The following CAMK4 variants were observed in gnomAD, a reference collection of about 807,000 sequenced individuals.
CAMK4 encodes calcium/calmodulin-dependent protein kinase type IV.
A neutral mutation model predicts 44.9 loss-of-function variants in CAMK4; 22 were observed. The ratio of observed to expected loss-of-function variants is 0.49; its 90% CI spans 0.35 to 0.70. CAMK4 has a LOEUF of 0.70. Ranked by LOEUF, CAMK4 falls within the 30% of genes least tolerant of loss-of-function variation. The pLI, the probability that CAMK4 is intolerant of heterozygous loss-of-function variation, is 0.01. For missense variants in CAMK4, 498 were observed against 586.8 expected, an observed-to-expected ratio of 0.85 and a Z score of 1.56; for synonymous variants, 218 against 215.4, an observed-to-expected ratio of 1.01 and a Z score of -0.11.
rs747839230 is a variant in CAMK4 at position 111,224,439 on chromosome 5, A to AGCGGCG, written c.-27_-22dup. The stretch of plus-strand genomic sequence containing the variant: ...CTGGCGGCCGGCTTCTCGCTCGGGC[A>AGCGGCG]GCGGCGGCGGCGGCGGCGGCGGCTT... On this transcript the variant is annotated 5_prime_UTR_variant, in exon 1 of 11. Coordinates refer to ENST00000282356, the MANE Select transcript of CAMK4 (RefSeq NM_001744.6). This position sits in a 1 kb window ranked among gnomAD's most constrained non-coding sequence, Gnocchi z 5.7. 2,020 of 1,536,258 alleles carry AGCGGCG rather than the reference A, an allele frequency of 1.3e-3. 8 individuals carry two copies. The African/African-American group carries it at 0.015, about 12-fold the overall frequency.
chr5:111,381,627 C>T (rs754153354), intron 4 of CAMK4, among the ~76,000 whole-genome samples: 4 of 152,310 alleles, frequency 2.6e-5, no homozygotes, highest in Non-Finnish European at 4.4e-5. Flanking sequence ...CCTTTGGCAA[C>T]GCCCTCACAG....
intron 5 of CAMK4, among the ~76,000 whole-genome samples, chr5:111,418,003 T>C (rs957749368): frequency 3.3e-5 from 5 of 152,158 alleles, no homozygotes; most frequent in Admixed American, 1.3e-4. Flanking sequence ...TTGGAGGTTT[T>C]TTTTTTAGGA....
intron 1 of CAMK4, among the ~76,000 whole-genome samples, chr5:111,276,220 T>C (rs992400900): frequency 1.3e-5 from 2 of 152,218 alleles, no homozygotes; most frequent in Non-Finnish European, 2.9e-5. Flanking sequence ...TAAGGATTTC[T>C]ACCTATCCTC....
At chr5:111,281,399 GA>G (rs1751012320) in intron 1 of CAMK4, among the ~76,000 whole-genome samples, 1 of 152,150 alleles carries the variant, frequency 6.6e-6, no homozygotes, top group Non-Finnish European at 1.5e-5. Context: ...ATAGTACATG[GA>G]ATAAAATATT....
intron 3 of CAMK4, 87 bp downstream of exon 3, chr5:111,374,999 G>GA (rs1233759134): frequency 1.3e-5 from 10 of 754,862 alleles, no homozygotes; most frequent in Non-Finnish European, 1.9e-5. Flanking sequence ...CTGATAATGA[G>GA]AAGGGATTCT....
chr5:111,473,285 T>A, intron 7 of CAMK4, 26 bp from the exon 8 acceptor site: 1 of 1,486,056 alleles, frequency 6.7e-7, no homozygotes, highest in Non-Finnish European at 9.4e-7. Context: ...AGCTCTAATT[T>A]AACACAATTT....
chr5:111,399,958 C>A (rs922916301), intron 5 of CAMK4, among the ~76,000 whole-genome samples: 1 of 152,136 alleles, frequency 6.6e-6, no homozygotes, highest in African/African-American at 2.4e-5. Context: ...AATTTTCCAC[C>A]TGTTGGAGTT....
At chr5:111,432,535 G>C (rs1753486408) in intron 5 of CAMK4, among the ~76,000 whole-genome samples, 1 of 151,314 alleles carries the variant, frequency 6.6e-6, no homozygotes, top group Non-Finnish European at 1.5e-5. Context: ...TGCTTGAGGG[G>C]ATAGATACCC....
intron 1 of CAMK4, among the ~76,000 whole-genome samples, chr5:111,332,649 T>C (rs940672733): frequency 1.3e-5 from 2 of 151,570 alleles, no homozygotes; most frequent in African/African-American, 4.8e-5. Context: ...CATTTTATTC[T>C]TGATGCTATT....
chr5:111,468,376 TTTTG>T (rs1033914734), intron 7 of CAMK4, among the ~76,000 whole-genome samples: 1 of 152,230 alleles, frequency 6.6e-6, no homozygotes, highest in African/African-American at 2.4e-5. Flanking sequence ...TTTTCTTCTA[TTTTG>T]TTTGTTTTGA....
chr5:111,474,433 A>G (rs118036), intron 8 of CAMK4, among the ~76,000 whole-genome samples: 94,802 of 151,984 alleles, frequency 0.62, 29,799 homozygotes, highest in African/African-American at 0.66. Context: ...GAGAAGGAGA[A>G]AGCAAGCTCT....
chr5:111,260,476 A>G (rs1463195360), intron 1 of CAMK4, among the ~76,000 whole-genome samples: 1 of 152,032 alleles, frequency 6.6e-6, no homozygotes, highest in African/African-American at 2.4e-5. Context: ...GCTTTCTCCA[A>G]GGCTCTCCCC....
rs1748091902 is a variant in CAMK4, at chr5:111,224,712, G to T, written c.161+68G>T. 3 of 1,485,408 alleles carry T rather than the reference G, an allele frequency of 2.0e-6. No individual in the cohort carries two copies. The highest frequency in any genetic ancestry group is 2.9e-5 in the African/African-American group (2 of 70,154). 92.0% of individuals were successfully genotyped at this position (1,485,408 alleles called of 1,614,324 possible). ...GGGGGTTGTCCCTCTCGCAGCGACG[G>T]CTCGGAGGGTGCGGGAGCCTGCCTT... On this transcript the variant is annotated intron_variant, in intron 1 of 10. Coordinates refer to ENST00000282356, the MANE Select transcript of CAMK4 (RefSeq NM_001744.6). This position sits in a 1 kb window ranked among gnomAD's most constrained non-coding sequence, Gnocchi z 5.7.
intron 1 of CAMK4, among the ~76,000 whole-genome samples, chr5:111,318,411 A>G (rs756966680): frequency 6.6e-6 from 1 of 152,200 alleles, no homozygotes; most frequent in African/African-American, 2.4e-5. Flanking sequence ...TTTATAAAGT[A>G]TAAGACTCTC....
At chr5:111,461,675 C>A (rs1754645771) in intron 7 of CAMK4, among the ~76,000 whole-genome samples, 2 of 151,902 alleles carry the variant, frequency 1.3e-5, no homozygotes, top group Admixed American at 1.3e-4. Flanking sequence ...AGATAAATCC[C>A]CTCCACCCTT....
At chr5:111,235,656 A>G (rs556158929) in intron 1 of CAMK4, among the ~76,000 whole-genome samples, 3 of 152,378 alleles carry the variant, frequency 2.0e-5, no homozygotes, top group Admixed American at 6.5e-5. Context: ...AATTTTCAGG[A>G]TGATCTCCAG....
At chr5:111,235,521 A>G (rs904066782) in intron 1 of CAMK4, among the ~76,000 whole-genome samples, 26 of 152,168 alleles carry the variant, frequency 1.7e-4, no homozygotes, top group Admixed American at 8.5e-4. Flanking sequence ...ACTAATAACA[A>G]TGTTCAATGA....
intron 1 of CAMK4, among the ~76,000 whole-genome samples, chr5:111,299,918 A>G (rs1302327177): frequency 6.6e-6 from 1 of 152,172 alleles, no homozygotes; most frequent in Non-Finnish European, 1.5e-5. Context: ...TAGTTGCACA[A>G]TATTTTTAAA....
rs1561391131 is a variant in CAMK4, at chr5:111,293,882, G to T, written c.162-50142G>T. ...CTGCCTCAGCCTCCCGAGTAGCTGG[G>T]ACTACAGGTGCCCGCCACCATGCCC... On this transcript the variant is annotated intron_variant, in intron 1 of 10. Transcript: ENST00000282356. 2.0e-5 allele frequency among the ~76,000 whole-genome samples: 3 copies of T among 151,776 alleles called. No homozygotes were observed. The South Asian group carries it at 6.2e-4, about 32-fold the overall frequency.
Sources: allele counts gnomAD v4.1 joint callset (sites outside exome capture counted in the v4.1 genomes callset), GRCh38; gene constraint gnomAD v4.1.1; non-coding constraint Gnocchi (gnomAD v3.1); transcripts MANE v1.5; gene names NCBI Gene and HGNC (gene_info 2026-07-23, HGNC 2026-07-21).